Variants in IFT88 observed in about 807,000 individuals in gnomAD.
IFT88 encodes the protein intraflagellar transport protein 88 homolog.
A neutral mutation model predicts 119.5 loss-of-function variants in IFT88; 74 were observed. That is an observed-to-expected ratio of 0.62 (90% CI 0.51 to 0.75). IFT88 has a LOEUF of 0.75. IFT88 is among the 30% of genes least tolerant of loss of function. The pLI is 0.00. For missense variants in IFT88, 961 were observed against 977.7 expected (o/e 0.98, Z 0.23); for synonymous variants, 279 against 316.7 (o/e 0.88, Z 1.26).
chr13:20,567,992 A>G lies in IFT88; in HGVS notation c.-7+736A>G, dbSNP rs374667274. ...TGGGCCACACATGAAATTCACAAACACTAAGGTAGCCGATGAGCTTTAAAA... is the reference window on the plus strand; with the variant it reads ...TGGGCCACACATGAAATTCACAAACGCTAAGGTAGCCGATGAGCTTTAAAA... On this transcript the variant is annotated intron_variant, in intron 1 of 25. Coordinates refer to ENST00000351808, the MANE Select transcript of IFT88 (RefSeq NM_006531.5). 89 of 713,262 alleles carry G rather than the reference A, an allele frequency of 1.2e-4. No homozygotes were observed. In the Middle Eastern group the frequency reaches 1.6e-3, roughly 13 times the overall value. The allele number at this position is 713,262 out of a possible 1,614,324, so 44.2% of individuals were successfully genotyped here. A position where few individuals can be genotyped will look rare whatever the true frequency, so the allele number is the denominator to read the frequency against.
At chr13:20,649,198 A>G (rs1480940899) in intron 20 of IFT88, among the ~76,000 whole-genome samples, 2 of 152,350 alleles carry the variant, frequency 1.3e-5, no homozygotes, top group Admixed American at 6.5e-5. Context: ...ACTGAACCCA[A>G]CAACAGGAGA....
chr13:20,583,129 T>A (rs1007790118), intron 3 of IFT88, 110 bp downstream of exon 3: 2 of 614,804 alleles, frequency 3.3e-6, no homozygotes, highest in African/African-American at 1.8e-5. Context: ...ATTATAACCA[T>A]CATTAAGTTT....
intron 22 of IFT88, among the ~76,000 whole-genome samples, chr13:20,657,450 T>C (rs1165309188): frequency 6.6e-6 from 1 of 152,268 alleles, no homozygotes; most frequent in African/African-American, 2.4e-5. Context: ...CAATTTTTAC[T>C]GTTTTATGTG....
At chr13:20,617,044 C>T (rs965345656) in intron 14 of IFT88, among the ~76,000 whole-genome samples, 8 of 151,902 alleles carry the variant, frequency 5.3e-5, no homozygotes, top group Non-Finnish European at 1.0e-4. Context: ...CCTGGGTTCT[C>T]GCCATTCTCC....
intron 24 of IFT88, among the ~76,000 whole-genome samples, chr13:20,686,713 T>C (rs1423782782): frequency 6.6e-6 from 1 of 152,204 alleles, no homozygotes; most frequent in Non-Finnish European, 1.5e-5. Context: ...ATCTTCCCTG[T>C]ACAGTTATTT....
chr13:20,668,360 ATTTCT>A (rs1294846688), intron 23 of IFT88, among the ~76,000 whole-genome samples: 6 of 125,638 alleles, frequency 4.8e-5, no homozygotes, highest in Admixed American at 2.3e-4. Flanking sequence ...GACAGTTGAG[ATTTCT>A]TTTTTTTTTT....
chr13:20,587,751 A>G lies in IFT88; in HGVS notation c.154-2060A>G, dbSNP rs140813473. Among the ~76,000 whole-genome samples the G allele has an allele frequency of 3.1e-3, 476 of 152,196 alleles. 1 individual carries two copies. The highest frequency in any genetic ancestry group is 0.011 in the African/African-American group (460 of 41,532). ...TAGTAATGCTTTTTGTCTGTTTGTA[A>G]GATATTAATATGTTGTTATAGCTAT... is the stretch of plus-strand genomic sequence containing the variant. On this transcript the variant is annotated intron_variant, in intron 3 of 25. Coordinates refer to ENST00000351808, the MANE Select transcript of IFT88 (RefSeq NM_006531.5).
At chr13:20,653,985 A>T (rs2052283181) in intron 21 of IFT88, 57 bp downstream of exon 21, 2 of 949,400 alleles carry the variant, frequency 2.1e-6, no homozygotes, top group African/African-American at 3.3e-5. Context: ...CTTTTAGGTA[A>T]TTATGCATAT....
Position 20,691,154 on chromosome 13 carries a change from AGAT to A in IFT88, c.2458_2460del (p.Asp820del), listed in dbSNP as rs755932037. The A allele has an allele frequency of 2.5e-6, 4 of 1,613,410 alleles. No individual in the cohort carries two copies. The highest frequency in any genetic ancestry group is 2.2e-5 in the South Asian group (2 of 90,900). ...ATGATTTTGCTGATGAAGAATTAGG[AGAT>A]GATTTGCTTCCAGAATAATATTCAC... On this transcript the variant is annotated inframe_deletion, in exon 26 of 26. Coordinates refer to ENST00000351808, the MANE Select transcript of IFT88 (RefSeq NM_006531.5).
intron 23 of IFT88, among the ~76,000 whole-genome samples, chr13:20,665,106 A>G (rs2054473921): frequency 6.6e-6 from 1 of 152,094 alleles, no homozygotes; most frequent in South Asian, 2.1e-4. Context: ...AAAATGCAGA[A>G]TATTTTCATT....
intron 16 of IFT88, chr13:20,631,735 G>A (rs989401497): frequency 6.6e-6 from 1 of 152,316 alleles, no homozygotes; most frequent in African/African-American, 2.4e-5. Context: ...CATTTGTAGG[G>A]AGAAGGGGAC....
intron 24 of IFT88, among the ~76,000 whole-genome samples, chr13:20,679,735 A>T (rs750938701): frequency 6.6e-6 from 1 of 152,246 alleles, no homozygotes; most frequent in African/African-American, 2.4e-5. Context: ...AATTAGGATT[A>T]TATTGGGTTG....
rs944747206 is a variant in IFT88 at position 20,664,996 on chromosome 13, A to G, written c.2175+1392A>G. Among the ~76,000 whole-genome samples the G allele has an allele frequency of 2.0e-4, 31 of 151,806 alleles. No homozygotes were observed. The East Asian group carries it at 2.5e-3, about 12-fold the overall frequency. Reference sequence around the variant, plus strand: ...TGGGAGGCTGAGGCAGGAGAATGGCATGAACCTGGGAGGCGGAGCTTGCAG... The same window carrying G: ...TGGGAGGCTGAGGCAGGAGAATGGCGTGAACCTGGGAGGCGGAGCTTGCAG... On this transcript the variant is annotated intron_variant, in intron 23 of 25. Transcript: ENST00000351808.
intron 24 of IFT88, among the ~76,000 whole-genome samples, chr13:20,685,650 C>G (rs866241428): frequency 1.3e-5 from 2 of 152,144 alleles, no homozygotes; most frequent in Non-Finnish European, 2.9e-5. Flanking sequence ...GCAGGCAGAT[C>G]ACTTGGATCA....
At chr13:20,676,159 G>A (rs768986445) in intron 24 of IFT88, among the ~76,000 whole-genome samples, 2 of 152,234 alleles carry the variant, frequency 1.3e-5, no homozygotes, top group South Asian at 2.1e-4. Context: ...CTTAACTCTC[G>A]CCCTTAGCCT....
At chr13:20,634,229 AT>A (rs1480887926) in intron 16 of IFT88, among the ~76,000 whole-genome samples, 1 of 152,196 alleles carries the variant, frequency 6.6e-6, no homozygotes, top group Non-Finnish European at 1.5e-5. Context: ...ATGAGAGAGA[AT>A]CATACCTGAA....
intron 23 of IFT88, among the ~76,000 whole-genome samples, chr13:20,664,838 G>A (rs992227206): frequency 1.3e-5 from 2 of 152,166 alleles, no homozygotes; most frequent in Non-Finnish European, 2.9e-5. Context: ...CCAGCACTTT[G>A]GGAGGCCAAG....
chr13:20,685,361 G>A (rs981557995), intron 24 of IFT88, among the ~76,000 whole-genome samples: 17 of 152,104 alleles, frequency 1.1e-4, no homozygotes, highest in Non-Finnish European at 1.5e-4. Context: ...CCTTTTTATG[G>A]CCAGTTTCTT....
At chr13:20,630,418 A>G (rs1459377943) in intron 15 of IFT88, among the ~76,000 whole-genome samples, 1 of 152,202 alleles carries the variant, frequency 6.6e-6, no homozygotes, top group Non-Finnish European at 1.5e-5. Flanking sequence ...AGTCATGGCC[A>G]GAAGCAGAAA....
Sources: allele counts gnomAD v4.1 joint callset (sites outside exome capture counted in the v4.1 genomes callset), GRCh38; gene constraint gnomAD v4.1.1; transcripts MANE v1.5; gene names NCBI Gene and HGNC (gene_info 2026-07-23, HGNC 2026-07-21).